The following ALOX5 variants were observed in gnomAD, a reference collection of about 807,000 sequenced individuals.
The protein encoded by ALOX5 is arachidonate 5-lipoxygenase.
ALOX5 carries 64 observed loss-of-function variants against 87.9 expected under a neutral mutation model. The observed-to-expected ratio is 0.73, with a 90% CI of 0.60 to 0.90. The LOEUF is 0.90. Among genes scored for constraint, ALOX5 ranks in the 40% least tolerant of loss-of-function variants. The pLI, the probability that ALOX5 is intolerant of heterozygous loss-of-function variation, is 0.00. For missense variants in ALOX5, 822 were observed against 907.5 expected (o/e 0.91, Z 1.21); for synonymous variants, 388 against 355.1 (o/e 1.09, Z -1.04).
chr10:45,424,116 A>C lies in ALOX5; in HGVS notation c.630A>C (p.Lys210Asn). Residue 210 changes from lysine to asparagine, a missense_variant, in exon 5 of 14, where the codon AAA (lysine) becomes AAC (asparagine). Physicochemically the swap from Lys to Asn is moderately conservative, Grantham distance 94. Transcript: ENST00000374391. The part of the protein sequence containing the change: ...SSWNDFADFE[K>N]IFVKISNTIS... ...GGAATGACTTCGCCGACTTTGAGAA[A>C]ATCTTTGTCAAGATCAGCAACACTA... The C allele has an allele frequency of 6.2e-7, 1 of 1,614,156 alleles. No homozygotes were observed. The highest frequency in any genetic ancestry group is 8.5e-7 in the Non-Finnish European group (1 of 1,179,988).
chr10:45,431,658 C>T (rs991180478), intron 7 of ALOX5, among the ~76,000 whole-genome samples: 3 of 151,916 alleles, frequency 2.0e-5, no homozygotes, highest in Admixed American at 2.0e-4. Flanking sequence ...CTGCAACCTC[C>T]ACCTCCCAGG....
At position 45,394,105 on chromosome 10, in the gene ALOX5, G is replaced by A. The variant is rs529139803; in HGVS notation, c.350-1750G>A. Among the ~76,000 whole-genome samples, 9 of 152,184 alleles carry A rather than the reference G, an allele frequency of 5.9e-5. No homozygotes were observed. In the South Asian group the frequency reaches 1.2e-3, roughly 21 times the overall value. On this transcript the variant is annotated intron_variant, in intron 2 of 13. Transcript: ENST00000374391. ...TCTTCTCAGAATTGGAAAAATCTAC[G>A]TTAAAGTTCATATGGAACCAAAAAA...
chr10:45,443,688 T>A (rs7900977), intron 11 of ALOX5, 40 bp from the exon 12 acceptor site: 1 of 1,596,626 alleles, frequency 6.3e-7, no homozygotes, highest in South Asian at 1.1e-5. Flanking sequence ...CCTGGGGTCC[T>A]CAGGGACTGG....
chr10:45,380,605 C>T (rs1415670359), intron 1 of ALOX5, among the ~76,000 whole-genome samples: 3 of 152,174 alleles, frequency 2.0e-5, no homozygotes, highest in Non-Finnish European at 4.4e-5. Flanking sequence ...TAGGTTCTGC[C>T]GCCAGGGATA....
intron 13 of ALOX5, among the ~76,000 whole-genome samples, chr10:45,445,022 C>G (rs1006241018): frequency 6.6e-6 from 1 of 152,246 alleles, no homozygotes; most frequent in African/African-American, 2.4e-5. Flanking sequence ...AGCTCTGCCC[C>G]GCAGACATCT....
intron 1 of ALOX5, among the ~76,000 whole-genome samples, chr10:45,379,064 C>T (rs1839736168): frequency 6.6e-6 from 1 of 152,152 alleles, no homozygotes; most frequent in African/African-American, 2.4e-5. Context: ...ACTGTCCACT[C>T]CCTCAGAGAA....
rs28395871 is a variant in ALOX5 at position 45,443,712 on chromosome 10, G to A, written c.1574-16G>A. ...CTCAGGGACTGGGCCTCAGCCCGCC[G>A]GTGGTTCCACCCTAGGCTTCCCCAA... On this transcript the variant is annotated splice_polypyrimidine_tract_variant and intron_variant, in intron 11 of 13. Coordinates refer to ENST00000374391, the MANE Select transcript of ALOX5 (RefSeq NM_000698.5). 1.6e-5 allele frequency: 25 copies of A among 1,608,580 alleles called. No homozygotes were observed. The East Asian group carries it at 4.7e-4, about 30-fold the overall frequency.
chr10:45,424,287 A>C (rs1589032315), intron 5 of ALOX5, 140 bp downstream of exon 5: 1 of 715,036 alleles, frequency 1.4e-6, no homozygotes, highest in East Asian at 2.5e-5. Flanking sequence ...CACCCTGGAC[A>C]GCACCCCCTA....
At chr10:45,434,230 G>A (rs1006032165) in intron 7 of ALOX5, among the ~76,000 whole-genome samples, 2 of 152,206 alleles carry the variant, frequency 1.3e-5, no homozygotes, top group African/African-American at 4.8e-5. Context: ...CTGACAGCCA[G>A]TAGCACTGAA....
chr10:45,374,348 C>T lies in ALOX5; in HGVS notation c.69C>T (p.Tyr23=), dbSNP rs369459232. 1.9e-6 allele frequency: 3 copies of T among 1,540,404 alleles called. No homozygotes were observed. Among genetic ancestry groups the T allele is most frequent in the Non-Finnish European group, 2.6e-6 (3 of 1,145,292 alleles). ...TCGCCGGCACTGACGACTACATCTACCTCAGCCTCGTGGGCTCGGCGGGCT... is the reference window on the plus strand; with the variant it reads ...TCGCCGGCACTGACGACTACATCTATCTCAGCCTCGTGGGCTCGGCGGGCT... ...QWFAGTDDYI[Y]LSLVGSAGCS... Residue 23 remains tyrosine (Y), a synonymous_variant, in exon 1 of 14, where the codon TAC becomes TAT. Transcript: ENST00000374391.
At chr10:45,422,383 T>A (rs1021554103) in intron 4 of ALOX5, among the ~76,000 whole-genome samples, 1 of 152,156 alleles carries the variant, frequency 6.6e-6, no homozygotes, top group African/African-American at 2.4e-5. Context: ...GACCCAGCCA[T>A]GCTCCACCTG....
At chr10:45,392,267 G>A (rs1840311175) in intron 2 of ALOX5, among the ~76,000 whole-genome samples, 1 of 152,188 alleles carries the variant, frequency 6.6e-6, no homozygotes, top group African/African-American at 2.4e-5. Context: ...GAATAGAAAA[G>A]GGGGAAAGGT....
At chr10:45,427,687 T>G (rs776883466) in intron 6 of ALOX5, among the ~76,000 whole-genome samples, 1 of 152,100 alleles carries the variant, frequency 6.6e-6, no homozygotes, top group Non-Finnish European at 1.5e-5. Context: ...AGAAAAGGCT[T>G]CAGAAGGAGC....
intron 2 of ALOX5, among the ~76,000 whole-genome samples, chr10:45,385,120 TAC>T (rs1287884359): frequency 6.6e-6 from 1 of 152,198 alleles, no homozygotes; most frequent in Non-Finnish European, 1.5e-5. Flanking sequence ...GTGCTGGGAT[TAC>T]AGTCATGAGC....
intron 4 of ALOX5, among the ~76,000 whole-genome samples, chr10:45,415,136 G>GT (rs1239411367): frequency 6.6e-6 from 1 of 152,130 alleles, no homozygotes; most frequent in Admixed American, 6.5e-5. Context: ...ACATGCACAC[G>GT]TATGTTTATT....
chr10:45,443,840 C>A lies in ALOX5; in HGVS notation c.1674+12C>A. The A allele has an allele frequency of 6.3e-7, 1 of 1,591,952 alleles. No homozygotes were observed. Among genetic ancestry groups the A allele is most frequent in the South Asian group, 1.1e-5 (1 of 88,012 alleles). On this transcript the variant is annotated intron_variant, in intron 12 of 13. Coordinates refer to ENST00000374391, the MANE Select transcript of ALOX5 (RefSeq NM_000698.5). The stretch of plus-strand genomic sequence containing the variant: ...TCAACTTCGGCCAGGTAGGCAGGGC[C>A]GGGCCCGCTGGGCAGGGCTCCCTTC...
chr10:45,430,435 A>G (rs1162511705), intron 7 of ALOX5, among the ~76,000 whole-genome samples: 1 of 152,198 alleles, frequency 6.6e-6, no homozygotes, highest in Admixed American at 6.5e-5. Flanking sequence ...ATAGAAAAAA[A>G]AAATGCAAGA....
chr10:45,396,883 C>T (rs1030345584), intron 3 of ALOX5, among the ~76,000 whole-genome samples: 12 of 152,116 alleles, frequency 7.9e-5, no homozygotes, highest in Non-Finnish European at 2.9e-5. Context: ...GGATTTAGCC[C>T]AGGAATGCAA....
Position 45,377,639 on chromosome 10 carries a change from G to T in ALOX5, c.150+3210G>T, listed in dbSNP as rs368418967. ...CTCTCTCATCCCGAGTCTCTGTTTT[G>T]TCTGGCCCCCAATCTTCCTCTCTGC... On this transcript the variant is annotated intron_variant, in intron 1 of 13. Transcript: ENST00000374391. Among the ~76,000 whole-genome samples, 23 of 151,498 alleles carry T rather than the reference G, an allele frequency of 1.5e-4. 2 individuals are homozygous for T. Among genetic ancestry groups the T allele is most frequent in the Admixed American group, 2.6e-4 (4 of 15,196 alleles).
Sources: allele counts gnomAD v4.1 joint callset (sites outside exome capture counted in the v4.1 genomes callset), GRCh38; gene constraint gnomAD v4.1.1; transcripts MANE v1.5; gene names NCBI Gene and HGNC (gene_info 2026-07-23, HGNC 2026-07-21).